Variants in CNOT11 observed in about 807,000 individuals in gnomAD.
CNOT11 encodes CCR4-NOT transcription complex subunit 11.
A neutral mutation model predicts 44.6 loss-of-function variants in CNOT11; 18 were observed. That is an observed-to-expected ratio of 0.40 (90% CI 0.28 to 0.60). The LOEUF (loss-of-function observed/expected upper bound fraction) is 0.60. Ranked by LOEUF, CNOT11 falls within the 20% of genes least tolerant of loss-of-function variation. CNOT11 has a pLI of 0.38. For missense variants in CNOT11, 513 were observed against 677.0 expected, an observed-to-expected ratio of 0.76 and a Z score of 2.69; for synonymous variants, 291 against 270.9, an observed-to-expected ratio of 1.07 and a Z score of -0.73.
chr2:101,257,724 T>A (rs1681765503), intron 1 of CNOT11, 67 bp from the exon 2 acceptor site: 1 of 1,366,884 alleles, frequency 7.3e-7, no homozygotes, highest in Admixed American at 1.9e-5. Flanking sequence ...AAGTACTGAT[T>A]TTACCAGATT....
At chr2:101,265,099 A>C in intron 4 of CNOT11, 52 bp downstream of exon 4, 1 of 1,308,716 alleles carries the variant, frequency 7.6e-7, no homozygotes. Flanking sequence ...ATTTATTTTT[A>C]ATTAAAAAAA....
chr2:101,257,688 C>A, intron 1 of CNOT11, 103 bp from the exon 2 acceptor site: 1 of 850,492 alleles, frequency 1.2e-6, no homozygotes, highest in Non-Finnish European at 1.9e-6. Flanking sequence ...GTTCTTAAAA[C>A]TATGTGGCTT....
chr2:101,257,060 G>C (rs554646072), intron 1 of CNOT11, among the ~76,000 whole-genome samples: 227 of 150,276 alleles, frequency 1.5e-3, no homozygotes, highest in African/African-American at 5.2e-3. Flanking sequence ...AAAAAAAAAA[G>C]AAAAGAAAAT....
intron 1 of CNOT11, among the ~76,000 whole-genome samples, chr2:101,256,910 G>A (rs1465552925): frequency 2.0e-5 from 3 of 152,098 alleles, no homozygotes; most frequent in East Asian, 1.9e-4. Flanking sequence ...TTACCTGGGC[G>A]TGGTGGCGGG....
At chr2:101,260,061 A>G (rs1255405403) in intron 2 of CNOT11, among the ~76,000 whole-genome samples, 2 of 152,180 alleles carry the variant, frequency 1.3e-5, no homozygotes, top group Admixed American at 1.3e-4. Flanking sequence ...AAGCAGAGAC[A>G]AGAACAATGT....
At chr2:101,262,455 T>C (rs1681886697) in intron 2 of CNOT11, 84 bp from the exon 3 acceptor site, 1 of 1,275,788 alleles carries the variant, frequency 7.8e-7, no homozygotes, top group Admixed American at 1.8e-5. Context: ...TTTTTCTCTG[T>C]TACAGATAGC....
Position 101,269,339 on chromosome 2 carries a change from G to T in CNOT11, c.1459G>T (p.Ala487Ser), listed in dbSNP as rs751768106. The T allele has an allele frequency of 6.2e-7, 1 of 1,614,122 alleles. No homozygotes were observed. Among genetic ancestry groups the T allele is most frequent in the African/African-American group, 1.3e-5 (1 of 75,042 alleles). ...TATTGAATTCAGTAGGATACGAGAA[G>T]CTGCTGGTCTTTTCCGGTTGTTGAA... ...FCIEFSRIRE[A>S]AGLFRLLKTL... Residue 487 changes from alanine to serine, a missense_variant, in exon 7 of 7, where the codon GCT becomes TCT. Physicochemically the swap from Ala to Ser is moderately conservative, Grantham distance 99 (BLOSUM62 1). Around this residue, in one of 4 missense-constraint regions of CNOT11, gnomAD observed 87 missense variants for 185.4 expected, o/e 0.47. Coordinates refer to ENST00000289382, the MANE Select transcript of CNOT11 (RefSeq NM_017546.5). The surrounding 1 kb of genome is among the most constrained non-coding windows in gnomAD (Gnocchi z 4.8).
At chr2:101,265,082 T>C in intron 4 of CNOT11, 35 bp downstream of exon 4, 1 of 1,385,944 alleles carries the variant, frequency 7.2e-7, no homozygotes, top group Non-Finnish European at 9.6e-7. Flanking sequence ...CTTATCTTTT[T>C]TTTTAAATTT....
Position 101,269,431 on chromosome 2 carries a change from C to T in CNOT11, c.*18C>T. 1.2e-6 allele frequency: 2 copies of T among 1,604,322 alleles called. No homozygotes were observed. On this transcript the variant is annotated 3_prime_UTR_variant, in exon 7 of 7. Transcript: ENST00000289382. This position sits in a 1 kb window ranked among gnomAD's most constrained non-coding sequence, Gnocchi z 4.8. ...CAAAATAATACCTCATCAGAACCATCCCATCCATTCACTGTTCAGCTGTAC... is the reference window on the plus strand; with the variant it reads ...CAAAATAATACCTCATCAGAACCATTCCATCCATTCACTGTTCAGCTGTAC...
At position 101,269,983 on chromosome 2, in the gene CNOT11, T is replaced by C. The variant is rs1311241181; in HGVS notation, c.*570T>C. 1 of 152,396 alleles carries C rather than the reference T, an allele frequency of 6.6e-6. No individual in the cohort carries two copies. The highest frequency in any genetic ancestry group is 6.5e-5 in the Admixed American group (1 of 15,278). 9.4% of individuals were successfully genotyped at this position (152,396 alleles called of 1,614,324 possible). On this transcript the variant is annotated 3_prime_UTR_variant, in exon 7 of 7. Transcript: ENST00000289382. The surrounding 1 kb of genome is among the most constrained non-coding windows in gnomAD (Gnocchi z 4.8). ...CTTTCTCCTTGTCATGGAGGCTTAA[T>C]AGACAACAGAATAAATGCATTTCTT...
At chr2:101,260,485 C>T (rs1170852419) in intron 2 of CNOT11, among the ~76,000 whole-genome samples, 1 of 152,074 alleles carries the variant, frequency 6.6e-6, no homozygotes, top group African/African-American at 2.4e-5. Context: ...CCGTCCTCTA[C>T]CCAGATTGCA....
At chr2:101,262,774 ATTTTAT>A (rs1414642393) in intron 3 of CNOT11, 83 bp downstream of exon 3, 3 of 1,109,550 alleles carry the variant, frequency 2.7e-6, no homozygotes, top group African/African-American at 3.2e-5. Context: ...TTGAGACATC[ATTTTAT>A]TTTTATTATG....
chr2:101,262,429 T>A, intron 2 of CNOT11, 110 bp from the exon 3 acceptor site: 1 of 932,374 alleles, frequency 1.1e-6, no homozygotes, highest in South Asian at 1.6e-5. Context: ...TCTCTCTCTC[T>A]GAATCTGGCC....
Position 101,253,224 on chromosome 2 carries a change from G to A in CNOT11, c.260G>A (p.Gly87Asp). Residue 87 changes from glycine to aspartate, a missense_variant, in exon 1 of 7, where the codon GGC (glycine) becomes GAC (aspartate). Around this residue, in one of 4 missense-constraint regions of CNOT11, gnomAD observed 259 missense variants for 265.7 expected, o/e 0.97. Transcript: ENST00000289382. The surrounding 1 kb of genome is among the most constrained non-coding windows in gnomAD (Gnocchi z 4.3). ...GCGGGCGGCGGCAGCACCTTCGAGG[G>A]CCTGTCCACCGCCTTCCACCACTAC... ...EEAGGGSTFEGLSTAFHHYFS... is the reference protein window; with the variant it reads ...EEAGGGSTFEDLSTAFHHYFS... 6.2e-7 allele frequency: 1 copy of A among 1,610,298 alleles called. No homozygotes were observed. The highest frequency in any genetic ancestry group is 8.5e-7 in the Non-Finnish European group (1 of 1,179,116).
chr2:101,265,170 G>T lies in CNOT11; in HGVS notation c.1035+123G>T, dbSNP rs1038828253. On this transcript the variant is annotated intron_variant, in intron 4 of 6. Coordinates refer to ENST00000289382, the MANE Select transcript of CNOT11 (RefSeq NM_017546.5). ...GGGTGGAGTGCAGTGGCACGATCTC[G>T]GCTCACTGCAGCCTCTGCCTCCCGG... is the stretch of plus-strand genomic sequence containing the variant. 142 of 568,736 alleles carry T rather than the reference G, an allele frequency of 2.5e-4. 1 individual carries two copies. The East Asian group carries it at 4.5e-3, about 18-fold the overall frequency. 35.2% of individuals were successfully genotyped at this position (568,736 alleles called of 1,614,324 possible).
intron 2 of CNOT11, among the ~76,000 whole-genome samples, chr2:101,259,519 T>C (rs184208899): frequency 6.6e-6 from 1 of 152,228 alleles, no homozygotes; most frequent in African/African-American, 2.4e-5. Context: ...GCTGTCAGCA[T>C]TCATTTTCTC....
intron 1 of CNOT11, among the ~76,000 whole-genome samples, chr2:101,256,451 G>C (rs750569390): frequency 2.0e-5 from 3 of 152,148 alleles, no homozygotes; most frequent in Non-Finnish European, 2.9e-5. Flanking sequence ...CAAGAGAGGC[G>C]TGGGGACTAC....
intron 5 of CNOT11, 29 bp downstream of exon 5, chr2:101,266,908 G>A (rs747057520): frequency 6.5e-7 from 1 of 1,540,662 alleles, no homozygotes; most frequent in South Asian, 1.1e-5. Context: ...TCAAATGTGT[G>A]GGGATAGATA....
chr2:101,269,232 TTGTG>T lies in CNOT11; in HGVS notation c.1360_1363del (p.Val454PhefsTer5), dbSNP rs760294301. On this transcript the variant is annotated frameshift_variant, in exon 7 of 7. Coordinates refer to ENST00000289382, the MANE Select transcript of CNOT11 (RefSeq NM_017546.5). LOFTEE classifies it high-confidence loss of function. This position sits in a 1 kb window ranked among gnomAD's most constrained non-coding sequence, Gnocchi z 4.8. Reference sequence around the variant, plus strand: ...CTTTTTCAGAATCGGTTGGTGCGTCTTGTGTGTGTGTTTCTCCAATCCTTGATCC... The same window carrying T: ...CTTTTTCAGAATCGGTTGGTGCGTCTTGTGTGTTTCTCCAATCCTTGATCC... 5 of 1,612,072 alleles carry T rather than the reference TTGTG, an allele frequency of 3.1e-6. No individual in the cohort carries two copies. The highest frequency in any genetic ancestry group is 1.7e-5 in the Admixed American group (1 of 59,986).
Sources: gnomAD v4.1 joint callset for allele counts (sites outside exome capture counted in the v4.1 genomes callset) on GRCh38, gnomAD v4.1.1 for gene constraint, gnomAD v4.1.1 regional missense constraint, Gnocchi (gnomAD v3.1) non-coding constraint, MANE v1.5 for transcripts, NCBI Gene and HGNC (gene_info 2026-07-23, HGNC 2026-07-21) for gene names.